TTC7B: variants seen among roughly 807,000 people sequenced by gnomAD.
The protein encoded by TTC7B is tetratricopeptide repeat domain 7B.
A neutral mutation model predicts 106.8 loss-of-function variants in TTC7B; 28 were observed. The observed-to-expected ratio is 0.26, with a 90% CI of 0.19 to 0.36. The LOEUF (loss-of-function observed/expected upper bound fraction) is 0.36. Among genes scored for constraint, TTC7B ranks in the 10% least tolerant of loss-of-function variants. The pLI is 1.00. For synonymous variants in TTC7B, 405 were observed against 430.6 expected (o/e 0.94, Z 0.74); for missense variants, 862 against 1,076.4 (o/e 0.80, Z 2.79).
chr14:90,710,526 T>C (rs1482760861), intron 5 of TTC7B, among the ~76,000 whole-genome samples: 1 of 152,158 alleles, frequency 6.6e-6, no homozygotes, highest in African/African-American at 2.4e-5. Flanking sequence ...TAAAATGCTA[T>C]GAAACAGCAT....
In TTC7B at chr14:90,547,624, C is replaced by T. The variant is rs184156844; in HGVS notation, c.2311-6035G>A. Reference sequence around the variant, plus strand: ...CGACCTGGGCAACATGGTGAAACTCCGTCGCCACTAAAAAAATACAAAAGT... The same window carrying T: ...CGACCTGGGCAACATGGTGAAACTCTGTCGCCACTAAAAAAATACAAAAGT... On this transcript the variant is annotated intron_variant, in intron 19 of 19. Coordinates refer to ENST00000328459, the MANE Select transcript of TTC7B (RefSeq NM_001010854.2). Among the ~76,000 whole-genome samples the T allele has an allele frequency of 7.3e-3, 1,109 of 152,202 alleles. 11 individuals carry two copies. The highest frequency in any genetic ancestry group is 0.025 in the African/African-American group (1,045 of 41,524).
intron 3 of TTC7B, among the ~76,000 whole-genome samples, chr14:90,773,439 A>G (rs187491260): frequency 6.6e-6 from 1 of 152,304 alleles, no homozygotes; most frequent in East Asian, 1.9e-4. Context: ...GCTGGAGTCC[A>G]CAGGCCTTGC....
intron 15 of TTC7B, among the ~76,000 whole-genome samples, chr14:90,635,619 G>A (rs1566810455): frequency 6.6e-6 from 1 of 151,792 alleles, no homozygotes; most frequent in Non-Finnish European, 1.5e-5. Context: ...AATTAGCCAG[G>A]TATGGTGGTG....
chr14:90,639,787 A>T (rs1885093052), intron 15 of TTC7B, among the ~76,000 whole-genome samples: 1 of 152,192 alleles, frequency 6.6e-6, no homozygotes, highest in Admixed American at 6.5e-5. Flanking sequence ...TTCACAGTAG[A>T]CTAAGTAAGG....
intron 17 of TTC7B, chr14:90,601,884 G>T: frequency 3.2e-6 from 1 of 311,792 alleles, no homozygotes; most frequent in South Asian, 2.9e-5. Flanking sequence ...AGGAAATGAG[G>T]CCCAGGGCGA....
intron 19 of TTC7B, among the ~76,000 whole-genome samples, chr14:90,544,344 TC>T: frequency 6.6e-6 from 1 of 152,226 alleles, no homozygotes; most frequent in Non-Finnish European, 1.5e-5. Flanking sequence ...CTTGGTGGCA[TC>T]TGCCAGAGAA....
rs1188401587 is a variant in TTC7B, at chr14:90,759,669, C to A, written c.446-14747G>T. 6.6e-6 allele frequency among the ~76,000 whole-genome samples: 1 copy of A among 152,182 alleles called. No homozygotes were observed. The highest frequency in any genetic ancestry group is 6.5e-5 in the Admixed American group (1 of 15,272). On this transcript the variant is annotated intron_variant, in intron 3 of 19. Transcript: ENST00000328459. The surrounding 1 kb of genome is among the most constrained non-coding windows in gnomAD (Gnocchi z 4.1). ...CGTCGGTGAGTGTAGGCAGAAGAGG[C>A]ATTAGACACAAGAGTATTTGTTTTT...
At chr14:90,795,363 A>C (rs1891740229) in intron 1 of TTC7B, among the ~76,000 whole-genome samples, 1 of 152,150 alleles carries the variant, frequency 6.6e-6, no homozygotes, top group Non-Finnish European at 1.5e-5. Context: ...GGGACCTTAC[A>C]CTCGAATTGT....
Position 90,578,170 on chromosome 14 carries a change from G to A in TTC7B, c.2246C>T (p.Ala749Val), listed in dbSNP as rs192887392. Reference protein sequence around the residue: ...IAELRGSMDEARRWYEEALAI... With the variant: ...IAELRGSMDEVRRWYEEALAI... ...TAAGGCCTCTTCATACCACCGCCGCGCCTCGTCCATGCTTCCCCGGAGCTC... is the reference window on the plus strand; with the variant it reads ...TAAGGCCTCTTCATACCACCGCCGCACCTCGTCCATGCTTCCCCGGAGCTC... The change falls in exon 19 of 20, where the codon GCG becomes GTG. Residue 749 changes from alanine (A) to valine (V), a missense_variant. By Grantham distance (64) the Ala-to-Val change is moderately conservative. Coordinates refer to ENST00000328459, the MANE Select transcript of TTC7B (RefSeq NM_001010854.2). This position sits in a 1 kb window ranked among gnomAD's most constrained non-coding sequence, Gnocchi z 4.7. The A allele has an allele frequency of 5.0e-6, 8 of 1,613,734 alleles. No individual in the cohort carries two copies. Among genetic ancestry groups the A allele is most frequent in the African/African-American group, 2.7e-5 (2 of 75,074 alleles).
chr14:90,566,968 T>C (rs955820306), intron 19 of TTC7B, among the ~76,000 whole-genome samples: 2 of 148,042 alleles, frequency 1.4e-5, no homozygotes, highest in Admixed American at 1.4e-4. Context: ...CCAAACGCTC[T>C]GGGTGGAGCC....
At chr14:90,758,383 A>G (rs1384010866) in intron 3 of TTC7B, among the ~76,000 whole-genome samples, 1 of 108,206 alleles carries the variant, frequency 9.2e-6, no homozygotes, top group African/African-American at 3.5e-5. Context: ...GCGGGGCGAG[A>G]CGGGGCAAGA....
chr14:90,808,257 G>A lies in TTC7B; in HGVS notation c.121+7918C>T, dbSNP rs1291182101. On this transcript the variant is annotated intron_variant, in intron 1 of 19. Coordinates refer to ENST00000328459, the MANE Select transcript of TTC7B (RefSeq NM_001010854.2). This position sits in a 1 kb window ranked among gnomAD's most constrained non-coding sequence, Gnocchi z 4.2. ...GCCCAGGAGTTCGAGACCAGAGTGG[G>A]CAACATAGGGAAACCCGTCTCTACA... Among the ~76,000 whole-genome samples the A allele has an allele frequency of 6.6e-6, 1 of 152,152 alleles. No individual in the cohort carries two copies. Among genetic ancestry groups the A allele is most frequent in the Admixed American group, 6.5e-5 (1 of 15,272 alleles).
At position 90,759,191 on chromosome 14, in the gene TTC7B, C is replaced by T. The variant is rs1890418423; in HGVS notation, c.446-14269G>A. On this transcript the variant is annotated intron_variant, in intron 3 of 19. Coordinates refer to ENST00000328459, the MANE Select transcript of TTC7B (RefSeq NM_001010854.2). The surrounding 1 kb of genome is among the most constrained non-coding windows in gnomAD (Gnocchi z 4.1). ...GCTCTGAGCCGCACATGACTCTCTC[C>T]TTCTCCACAGAACAATCTGTGTTCT... 3.9e-5 allele frequency among the ~76,000 whole-genome samples: 6 copies of T among 152,262 alleles called. No individual in the cohort carries two copies. The South Asian group carries it at 1.0e-3, about 26-fold the overall frequency.
chr14:90,722,303 G>A (rs566714734), intron 5 of TTC7B, among the ~76,000 whole-genome samples: 3 of 152,076 alleles, frequency 2.0e-5, no homozygotes, highest in Non-Finnish European at 4.4e-5. Flanking sequence ...TATGGTTCCT[G>A]CTGAGGTTAA....
At chr14:90,804,569 C>T (rs72695574) in intron 1 of TTC7B, among the ~76,000 whole-genome samples, 6,262 of 152,190 alleles carry the variant, frequency 0.041, 171 homozygotes, top group Non-Finnish European at 0.058. Context: ...GTTGTGAGTG[C>T]GGTGGAGCAG....
rs1465229838 is a variant in TTC7B at position 90,816,037 on chromosome 14, C to T, written c.121+138G>A. On this transcript the variant is annotated intron_variant, in intron 1 of 19. Transcript: ENST00000328459. ...GGCTCCCCCAGGCCCCGGTCCCGCG[C>T]ACATCCCCTGGGCCGCAGCTCCCTC... 13 of 950,056 alleles carry T rather than the reference C, an allele frequency of 1.4e-5. No individual in the cohort carries two copies. The East Asian group carries it at 1.3e-3, about 94-fold the overall frequency. The allele number at this position is 950,056 out of a possible 1,614,324, so 58.9% of individuals were successfully genotyped here. A position where few individuals can be genotyped will look rare whatever the true frequency, so the allele number is the denominator to read the frequency against.
At chr14:90,812,325 A>ACAGCT (rs1265831786) in intron 1 of TTC7B, among the ~76,000 whole-genome samples, 1 of 152,098 alleles carries the variant, frequency 6.6e-6, no homozygotes, top group African/African-American at 2.4e-5. Flanking sequence ...TAGAGAGAGG[A>ACAGCT]CAGCTGGGCC....
intron 15 of TTC7B, among the ~76,000 whole-genome samples, chr14:90,631,709 G>A (rs1884712758): frequency 2.6e-5 from 4 of 152,038 alleles, no homozygotes; most frequent in Admixed American, 2.6e-4. Flanking sequence ...CCCAGCCTGA[G>A]TCTGCACCAT....
intron 5 of TTC7B, among the ~76,000 whole-genome samples, chr14:90,701,960 C>T (rs1888009822): frequency 6.6e-6 from 1 of 152,008 alleles, no homozygotes; most frequent in Admixed American, 6.6e-5. Flanking sequence ...CTAATGGTAT[C>T]CAAACACACT....
Sources: gnomAD v4.1 joint callset for allele counts (sites outside exome capture counted in the v4.1 genomes callset) on GRCh38, gnomAD v4.1.1 for gene constraint, Gnocchi (gnomAD v3.1) non-coding constraint, MANE v1.5 for transcripts, NCBI Gene and HGNC (gene_info 2026-07-23, HGNC 2026-07-21) for gene names.